Variants in ITGB7 observed in about 807,000 individuals in gnomAD.
ITGB7 encodes integrin beta-7.
ITGB7 carries 55 observed loss-of-function variants against 83.4 expected under a neutral mutation model. The observed-to-expected ratio is 0.66, with a 90% CI of 0.53 to 0.83. The LOEUF is 0.83. Among genes scored for constraint, ITGB7 ranks in the 40% least tolerant of loss-of-function variants. ITGB7 has a pLI of 0.00. For missense variants in ITGB7, 921 were observed against 1,046.7 expected (o/e 0.88, Z 1.66); for synonymous variants, 454 against 423.6 (o/e 1.07, Z -0.88).
intron 7 of ITGB7, 79 bp downstream of exon 7, chr12:53,195,960 CTG>C: frequency 2.0e-6 from 3 of 1,531,796 alleles, no homozygotes; most frequent in South Asian, 2.4e-5. Flanking sequence ...CTGGTGAGGA[CTG>C]TAAGGCTGGG....
rs367818272 is a variant in ITGB7 at position 53,200,402 on chromosome 12, C to T, written c.42G>A (p.Leu14=). The change falls in exon 3 of 16, where the codon CTG becomes CTA. Residue 14 remains leucine, a synonymous_variant. Coordinates refer to ENST00000267082, the MANE Select transcript of ITGB7 (RefSeq NM_000889.3). ...LPMVLVLLLV[L]SRGESELDAK... is the part of the protein sequence containing the mutation. ...CGTCCAATTCACTCTCACCTCTGCTCAGGACCAGCAGCAAAACAAGGACCA... is the reference window on the plus strand; with the variant it reads ...CGTCCAATTCACTCTCACCTCTGCTTAGGACCAGCAGCAAAACAAGGACCA... 33 of 1,614,074 alleles carry T rather than the reference C, an allele frequency of 2.0e-5. No individual in the cohort carries two copies. In the Middle Eastern group the frequency reaches 1.3e-3, roughly 64 times the overall value.
At position 53,202,781 on chromosome 12, in the gene ITGB7, T is replaced by C. The variant is rs182190269; in HGVS notation, c.-126-1587A>G. Among the ~76,000 whole-genome samples, 1,192 of 152,138 alleles carry C rather than the reference T, an allele frequency of 7.8e-3. 13 individuals are homozygous for C. Among genetic ancestry groups the C allele is most frequent in the African/African-American group, 0.027 (1,138 of 41,524 alleles). On this transcript the variant is annotated intron_variant, in intron 1 of 15. Transcript: ENST00000267082. ...TTCAAGACCAGCCTGGCTAACATAG[T>C]GAAACCCCGTCTCTACTAAAAATAC...
In ITGB7 at chr12:53,192,013, G is replaced by C. The variant is rs775019478; in HGVS notation, c.2162C>G (p.Ala721Gly). 6.2e-6 allele frequency: 10 copies of C among 1,611,110 alleles called. No homozygotes were observed. The highest frequency in any genetic ancestry group is 3.4e-6 in the Non-Finnish European group (4 of 1,178,686). Residue 721 changes from alanine (A) to glycine (G), a missense_variant, in exon 15 of 16, where the codon GCA becomes GGA. By Grantham distance (60) the Ala-to-Gly change is moderately conservative. Coordinates refer to ENST00000267082, the MANE Select transcript of ITGB7 (RefSeq NM_000889.3). ...CAGCACAATGGCCTGCGTGTGGTCT[G>C]CTCCCTCTGTGAACAAGAAACCAGA... is the stretch of plus-strand genomic sequence containing the variant. ...VLRVRPQEKG[A>G]DHTQAIVLGC...
intron 9 of ITGB7, 198 bp downstream of exon 9, chr12:53,195,176 G>C: frequency 1.7e-6 from 1 of 593,124 alleles, no homozygotes; most frequent in Non-Finnish European, 3.0e-6. Flanking sequence ...CATGCTGTCT[G>C]CATGTCAGAT....
intron 10 of ITGB7, 67 bp downstream of exon 10, chr12:53,194,131 C>T (rs1942072940): frequency 9.4e-6 from 15 of 1,603,578 alleles, no homozygotes; most frequent in Non-Finnish European, 1.3e-5. Flanking sequence ...CCATCTTTTC[C>T]TGCCTGCTTA....
At chr12:53,193,424 T>G in intron 11 of ITGB7, 61 bp from the exon 12 acceptor site, 2 of 1,263,412 alleles carry the variant, frequency 1.6e-6, no homozygotes, top group Non-Finnish European at 1.1e-6. Flanking sequence ...CTGACTTGTC[T>G]CTCCCAGGAA....
chr12:53,207,029 G>T (rs1942458048), intron 1 of ITGB7, among the ~76,000 whole-genome samples, 173 bp downstream of exon 1: 1 of 152,172 alleles, frequency 6.6e-6, no homozygotes, highest in Non-Finnish European at 1.5e-5. Context: ...TGAAACTGGA[G>T]GAGGGAACCA....
intron 5 of ITGB7, chr12:53,197,262 A>G: frequency 3.2e-6 from 2 of 616,314 alleles, no homozygotes; most frequent in South Asian, 3.7e-5. Context: ...CAGTCTCTCC[A>G]GACGCTGGGT....
chr12:53,192,429 C>T lies in ITGB7; in HGVS notation c.2056G>A (p.Gly686Ser), dbSNP rs1941989058. The T allele has an allele frequency of 6.2e-7, 1 of 1,614,140 alleles. No homozygotes were observed. Among genetic ancestry groups the T allele is most frequent in the Non-Finnish European group, 8.5e-7 (1 of 1,180,036 alleles). The change falls in exon 14 of 16, where the codon GGC becomes AGC. Residue 686 changes from glycine (G) to serine (S), a missense_variant. By Grantham distance (56) the Gly-to-Ser change is moderately conservative (BLOSUM62 0). Coordinates refer to ENST00000267082, the MANE Select transcript of ITGB7 (RefSeq NM_000889.3). ...TCCAGGGTCCGCTCTTTGCACCAGC[C>T]ATCATCCAAGATAGGGGCCAAGGCC... Reference protein sequence around the residue: ...TLALAPILDDGWCKERTLDNQ... With the variant: ...TLALAPILDDSWCKERTLDNQ...
intron 5 of ITGB7, 97 bp from the exon 6 acceptor site, chr12:53,196,917 G>C (rs1000596895): frequency 7.0e-7 from 1 of 1,423,944 alleles, no homozygotes; most frequent in South Asian, 1.3e-5. Flanking sequence ...GGGGAGGACG[G>C]TGATGGGAGA....
At chr12:53,200,862 G>A (rs1942308177) in intron 2 of ITGB7, among the ~76,000 whole-genome samples, 1 of 151,718 alleles carries the variant, frequency 6.6e-6, no homozygotes, top group Admixed American at 6.6e-5. Context: ...CAGGGAGGCG[G>A]AGGTTGTAGT....
chr12:53,193,454 A>G, intron 11 of ITGB7, 91 bp from the exon 12 acceptor site: 1 of 970,698 alleles, frequency 1.0e-6, no homozygotes, highest in South Asian at 1.8e-5. Context: ...CCAAGTTCTC[A>G]AAAGAGTTGG....
chr12:53,200,928 T>TA lies in ITGB7; in HGVS notation c.-4+143dup, dbSNP rs72201105. ...TGGGTGACAAAGCAAGAATCTGTCT[T>TA]AAAAAAAAAAAAAATAGGGGCCTCA... is the stretch of plus-strand genomic sequence containing the variant. On this transcript the variant is annotated intron_variant, in intron 2 of 15. Coordinates refer to ENST00000267082, the MANE Select transcript of ITGB7 (RefSeq NM_000889.3). 4.7e-3 allele frequency: 682 copies of TA among 145,874 alleles called. 2 individuals carry two copies. Among genetic ancestry groups the TA allele is most frequent in the Middle Eastern group, 7.0e-3 (2 of 284 alleles). 9.0% of individuals were successfully genotyped at this position (145,874 alleles called of 1,614,324 possible). A position where few individuals can be genotyped will look rare whatever the true frequency, so the allele number is the denominator to read the frequency against.
intron 1 of ITGB7, among the ~76,000 whole-genome samples, chr12:53,202,537 T>G (rs1942344339): frequency 6.6e-6 from 1 of 151,722 alleles, no homozygotes; most frequent in Admixed American, 6.5e-5. Flanking sequence ...GTATTTTTAG[T>G]AGAGAGAGGG....
chr12:53,194,463 T>A (rs1942086403), intron 9 of ITGB7, 119 bp from the exon 10 acceptor site: 2 of 962,988 alleles, frequency 2.1e-6, no homozygotes, highest in Non-Finnish European at 3.1e-6. Flanking sequence ...CACCTGGGGC[T>A]CCTTCCATTC....
intron 2 of ITGB7, 21 bp from the exon 3 acceptor site, chr12:53,200,467 G>A (rs1458579993): frequency 1.2e-6 from 2 of 1,604,578 alleles, no homozygotes; most frequent in Non-Finnish European, 1.7e-6. Flanking sequence ...ATATAAAGGG[G>A]GACATGTGGG....
intron 3 of ITGB7, 114 bp from the exon 4 acceptor site, chr12:53,198,065 C>T (rs1467843738): frequency 4.3e-6 from 3 of 696,572 alleles, no homozygotes; most frequent in Non-Finnish European, 7.0e-6. Flanking sequence ...CCAGTCCACT[C>T]CTTGAGTCCC....
chr12:53,192,439 G>C lies in ITGB7; in HGVS notation c.2046C>G (p.Ile682Met), dbSNP rs754910525. The C allele has an allele frequency of 3.8e-5, 62 of 1,614,166 alleles. 1 individual carries two copies. Among genetic ancestry groups the C allele is most frequent in the South Asian group, 2.6e-4 (24 of 91,086 alleles). Residue 682 changes from isoleucine (I) to methionine (M), a missense_variant, in exon 14 of 16, where the codon ATC (isoleucine) becomes ATG (methionine). Coordinates refer to ENST00000267082, the MANE Select transcript of ITGB7 (RefSeq NM_000889.3). ...GCTCTTTGCACCAGCCATCATCCAA[G>C]ATAGGGGCCAAGGCCAGGGTCACAT... Reference protein sequence around the residue: ...HTNVTLALAPILDDGWCKERT... With the variant: ...HTNVTLALAPMLDDGWCKERT...
chr12:53,202,754 A>G (rs941221120), intron 1 of ITGB7, among the ~76,000 whole-genome samples: 4 of 152,102 alleles, frequency 2.6e-5, no homozygotes, highest in African/African-American at 9.7e-5. Context: ...CAAGGTCAGG[A>G]GTTCAAGACC....
Sources: gnomAD v4.1 joint callset for allele counts (sites outside exome capture counted in the v4.1 genomes callset) on GRCh38, gnomAD v4.1.1 for gene constraint, MANE v1.5 for transcripts, NCBI Gene and HGNC (gene_info 2026-07-23, HGNC 2026-07-21) for gene names.